NDUFAF6: variants seen among roughly 807,000 people sequenced by gnomAD.
NDUFAF6 encodes the protein NADH dehydrogenase (ubiquinone) complex I, assembly factor 6.
In NDUFAF6, 45 loss-of-function variants were observed where a neutral mutation model predicts 40.8. That is an observed-to-expected ratio of 1.10 (90% CI 0.87 to 1.42). The LOEUF (loss-of-function observed/expected upper bound fraction) is 1.42. Among genes scored for constraint, NDUFAF6 ranks in the 40% most tolerant of loss-of-function variants. The pLI, the probability that NDUFAF6 is intolerant of heterozygous loss-of-function variation, is 0.00. For missense variants in NDUFAF6, 435 were observed against 418.5 expected (o/e 1.04, Z -0.34); for synonymous variants, 185 against 155.9 (o/e 1.19, Z -1.39).
chr8:94,941,577 G>A (rs1157559363), intron 1 of NDUFAF6, among the ~76,000 whole-genome samples: 7 of 152,300 alleles, frequency 4.6e-5, no homozygotes, highest in African/African-American at 1.7e-4. Context: ...CTTAAAATCT[G>A]TAAGCCCAGC....
At chr8:94,992,789 ATCT>A (rs2131621351) in intron 2 of NDUFAF6, among the ~76,000 whole-genome samples, 1 of 152,298 alleles carries the variant, frequency 6.6e-6, no homozygotes, top group Admixed American at 6.5e-5. Flanking sequence ...ATCCTTTACC[ATCT>A]TCTCTGGCTT....
chr8:95,038,134 A>C (rs1829719635), intron 3 of NDUFAF6, among the ~76,000 whole-genome samples: 1 of 152,158 alleles, frequency 6.6e-6, no homozygotes, highest in African/African-American at 2.4e-5. Flanking sequence ...TGGCTTCCCA[A>C]AGTGTTGAGA....
intron 2 of NDUFAF6, among the ~76,000 whole-genome samples, chr8:95,001,039 T>G (rs1474269761): frequency 6.6e-6 from 1 of 151,324 alleles, no homozygotes; most frequent in Non-Finnish European, 1.5e-5. Context: ...CACTGCAGCC[T>G]TGATGTCCCA....
chr8:94,950,312 C>A (rs1822476530), intron 2 of NDUFAF6: 1 of 152,268 alleles, frequency 6.6e-6, no homozygotes, highest in Non-Finnish European at 1.5e-5. Flanking sequence ...TTTTCCAGAC[C>A]AAGGCTCTGT....
At chr8:94,985,667 G>A (rs1458952300) in intron 2 of NDUFAF6, among the ~76,000 whole-genome samples, 9 of 136,268 alleles carry the variant, frequency 6.6e-5, no homozygotes, top group African/African-American at 2.7e-5. Context: ...TTCCGAGTAG[G>A]TGGGATTACA....
At chr8:94,932,064 A>G (rs1820462810) in intron 1 of NDUFAF6, 1 of 1,609,098 alleles carries the variant, frequency 6.2e-7, no homozygotes, top group Non-Finnish European at 8.5e-7. Context: ...AAGTGAATAT[A>G]CTTACTCTGT....
intron 2 of NDUFAF6, among the ~76,000 whole-genome samples, chr8:94,999,036 G>C (rs115841034): frequency 0.01 from 1,532 of 151,772 alleles, 28 homozygotes; most frequent in African/African-American, 0.035. Context: ...ATGTGTGTTC[G>C]TGTGTGTGTA....
At chr8:95,075,523 G>C in intron 9 of NDUFAF6, 1 of 808,462 alleles carries the variant, frequency 1.2e-6, no homozygotes, top group African/African-American at 1.8e-5. Context: ...TTTTGGAGCT[G>C]GGATTTTATC....
intron 2 of NDUFAF6, among the ~76,000 whole-genome samples, chr8:95,087,070 C>T (rs1478423569): frequency 6.6e-6 from 1 of 151,072 alleles, no homozygotes; most frequent in Non-Finnish European, 1.5e-5. Flanking sequence ...TTTTCTTTTG[C>T]CTTTTTTTTT....
intron 1 of NDUFAF6, among the ~76,000 whole-genome samples, chr8:94,961,013 C>T (rs1405049081): frequency 6.6e-6 from 1 of 152,160 alleles, no homozygotes; most frequent in African/African-American, 2.4e-5. Flanking sequence ...AGCACATAGA[C>T]ATTTTTCACC....
chr8:94,932,608 C>T (rs951598817), intron 1 of NDUFAF6, among the ~76,000 whole-genome samples: 1 of 151,888 alleles, frequency 6.6e-6, no homozygotes, highest in Non-Finnish European at 1.5e-5. Context: ...TCAAGACCAT[C>T]CTGGCTAAAA....
At chr8:94,900,021 A>T (rs1177471210) in intron 1 of NDUFAF6, among the ~76,000 whole-genome samples, 1 of 152,090 alleles carries the variant, frequency 6.6e-6, no homozygotes, top group East Asian at 1.9e-4. Context: ...CCCCAGCTAG[A>T]TCCCATTTAT....
At chr8:95,015,275 A>G (rs1208673041) in intron 2 of NDUFAF6, among the ~76,000 whole-genome samples, 1 of 152,202 alleles carries the variant, frequency 6.6e-6, no homozygotes, top group African/African-American at 2.4e-5. Flanking sequence ...GGAGGAAAGG[A>G]AGCTGGGCAG....
In NDUFAF6 at chr8:95,035,563, T is replaced by G; in HGVS notation, c.407T>G (p.Ile136Ser). Residue 136 changes from isoleucine to serine, a missense_variant, in exon 3 of 9, where the codon ATT (isoleucine) becomes AGT (serine). Physicochemically the swap from Ile to Ser is moderately radical, Grantham distance 142. Coordinates refer to ENST00000396124, the MANE Select transcript of NDUFAF6 (RefSeq NM_152416.4). ...AATCCACCACATCAGCCTGTGGCCA[T>G]TGAACTATGGAAGGTAAAAAAAAAA... ...CDNPPHQPVAIELWKAVKRHN... is the reference protein window; with the variant it reads ...CDNPPHQPVASELWKAVKRHN... The G allele has an allele frequency of 6.3e-7, 1 of 1,595,756 alleles. No individual in the cohort carries two copies. The highest frequency in any genetic ancestry group is 8.5e-7 in the Non-Finnish European group (1 of 1,175,414).
rs753477252 is a variant in NDUFAF6, at chr8:95,025,026, C to A, written c.18C>A (p.His6Gln). MAASA[H>Q]GSVWGPLRLG... ...CCGGCGTCATGGCGGCCTCCGCGCA[C>A]GGCTCTGTCTGGGGGCCGTTGCGGC... The change falls in exon 1 of 9, where the codon CAC becomes CAA. Residue 6 changes from histidine (H) to glutamine (Q), a missense_variant. By Grantham distance (24) the His-to-Gln change is conservative. Transcript: ENST00000396124. 2 of 1,354,274 alleles carry A rather than the reference C, an allele frequency of 1.5e-6. No homozygotes were observed. Among genetic ancestry groups the A allele is most frequent in the Admixed American group, 7.6e-5 (2 of 26,352 alleles). The allele number at this position is 1,354,274 out of a possible 1,614,324, so 83.9% of individuals were successfully genotyped here. A position where few individuals can be genotyped will look rare whatever the true frequency, so the allele number is the denominator to read the frequency against.
intron 2 of NDUFAF6, chr8:94,981,004 G>C (rs1300517195): frequency 1.5e-5 from 7 of 456,376 alleles, no homozygotes; most frequent in Non-Finnish European, 3.1e-5. Flanking sequence ...AGTTAAATTA[G>C]TGCCAGCACA....
At chr8:94,948,677 C>G (rs574141454) in intron 2 of NDUFAF6, among the ~76,000 whole-genome samples, 1 of 152,262 alleles carries the variant, frequency 6.6e-6, no homozygotes, top group African/African-American at 2.4e-5. Flanking sequence ...TTCGGAGATG[C>G]GTCCCGGGGG....
intron 9 of NDUFAF6, among the ~76,000 whole-genome samples, chr8:95,071,403 GAAAAAAAA>G (rs10583999): frequency 2.8e-5 from 3 of 105,490 alleles, no homozygotes; most frequent in Non-Finnish European, 5.5e-5. Flanking sequence ...GTCTCCAAAA[GAAAAAAAA>G]AAAAAAAAAA....
chr8:95,003,872 T>A lies in NDUFAF6; in HGVS notation c.-84+22899T>A, dbSNP rs146837163. 3.0e-3 allele frequency among the ~76,000 whole-genome samples: 450 copies of A among 152,356 alleles called. 1 individual carries two copies. Among genetic ancestry groups the A allele is most frequent in the African/African-American group, 9.8e-3 (406 of 41,592 alleles). ...TCACTGGCATTAATTACATTCATGC[T>A]GTCTAAATTGGGATAATTAATGCTT... On this transcript the variant is annotated intron_variant, in intron 2 of 9. Coordinates refer to the NDUFAF6 transcript ENST00000396111.
Sources: allele counts gnomAD v4.1 joint callset (sites outside exome capture counted in the v4.1 genomes callset), GRCh38; gene constraint gnomAD v4.1.1; transcripts MANE v1.5; gene names NCBI Gene and HGNC (gene_info 2026-07-23, HGNC 2026-07-21).